The following GRIA1 variants were observed in gnomAD, a reference collection of about 807,000 sequenced individuals.
The protein encoded by GRIA1 is glutamate receptor 1.
A neutral mutation model predicts 99.2 loss-of-function variants in GRIA1; 31 were observed. That is an observed-to-expected ratio of 0.31 (90% confidence interval 0.23 to 0.42). The LOEUF is 0.42. Ranked by LOEUF, GRIA1 falls within the 10% of genes least tolerant of loss-of-function variation. The probability of loss-of-function intolerance (pLI) is 1.00; values close to 1 mark genes in which losing one functional copy is unlikely to be tolerated. For synonymous variants in GRIA1, 438 were observed against 432.4 expected (o/e 1.01, Z -0.16); for missense variants, 782 against 1,157.5 (o/e 0.68, Z 4.71).
chr5:153,510,133 A>G (rs1755918907), intron 2 of GRIA1, among the ~76,000 whole-genome samples: 1 of 152,182 alleles, frequency 6.6e-6, no homozygotes, highest in Non-Finnish European at 1.5e-5. Flanking sequence ...GCCTTAAAAT[A>G]ATAAAATAAA....
At chr5:153,744,096 G>A (rs1424208632) in intron 11 of GRIA1, among the ~76,000 whole-genome samples, 1 of 152,170 alleles carries the variant, frequency 6.6e-6, no homozygotes, top group African/African-American at 2.4e-5. Context: ...ACTCAGAGCA[G>A]GCCCAGAGCC....
chr5:153,506,430 G>C (rs1023227602), intron 2 of GRIA1, among the ~76,000 whole-genome samples: 2 of 151,902 alleles, frequency 1.3e-5, no homozygotes, highest in Admixed American at 1.3e-4. Context: ...CTTTCCAAGT[G>C]TGTGATTATA....
chr5:153,698,211 G>C lies in GRIA1; in HGVS notation c.1245+57G>C, dbSNP rs370575108. 6.4e-5 allele frequency: 61 copies of C among 945,784 alleles called. No homozygotes were observed. The African/African-American group carries it at 8.9e-4, about 14-fold the overall frequency. 58.6% of individuals were successfully genotyped at this position (945,784 alleles called of 1,614,324 possible). A position where few individuals can be genotyped will look rare whatever the true frequency, so the allele number is the denominator to read the frequency against. On this transcript the variant is annotated intron_variant, in intron 9 of 15. Transcript: ENST00000285900. ...GGGATTCAAGCTAGGCCAGCACAAG[G>C]GTTTTCCACCAGGACTGAAAGCTGG...
chr5:153,577,890 C>T (rs1238416447), intron 2 of GRIA1, among the ~76,000 whole-genome samples: 1 of 151,872 alleles, frequency 6.6e-6, no homozygotes, highest in Non-Finnish European at 1.5e-5. Context: ...GTGGCTCGCG[C>T]CTGTAATCCC....
At chr5:153,524,039 G>A (rs1757387844) in intron 2 of GRIA1, among the ~76,000 whole-genome samples, 1 of 152,182 alleles carries the variant, frequency 6.6e-6, no homozygotes, top group Non-Finnish European at 1.5e-5. Flanking sequence ...CAGAATTCCT[G>A]GCACAGGGCC....
intron 2 of GRIA1, among the ~76,000 whole-genome samples, chr5:153,601,624 C>T (rs1764972559): frequency 6.6e-6 from 1 of 152,226 alleles, no homozygotes; most frequent in Admixed American, 6.5e-5. Flanking sequence ...AGCTGAAAAG[C>T]TCCTAAGTAA....
chr5:153,741,345 G>A (rs543655446), intron 11 of GRIA1, among the ~76,000 whole-genome samples: 2 of 152,072 alleles, frequency 1.3e-5, no homozygotes, highest in African/African-American at 4.8e-5. Flanking sequence ...ACAATATGGA[G>A]GTTCCTTAGA....
intron 2 of GRIA1, among the ~76,000 whole-genome samples, chr5:153,542,828 T>C (rs1214106169): frequency 1.3e-5 from 2 of 152,248 alleles, no homozygotes; most frequent in Non-Finnish European, 2.9e-5. Flanking sequence ...GCCTTTTTTT[T>C]TCATTTATCA....
At chr5:153,568,785 A>C (rs1001073214) in intron 2 of GRIA1, among the ~76,000 whole-genome samples, 3 of 152,182 alleles carry the variant, frequency 2.0e-5, no homozygotes, top group Non-Finnish European at 4.4e-5. Flanking sequence ...TCCGAATCTC[A>C]AACTTCATAT....
intron 13 of GRIA1, among the ~76,000 whole-genome samples, chr5:153,782,358 G>A (rs556080087): frequency 1.2e-3 from 181 of 152,266 alleles, no homozygotes; most frequent in Middle Eastern, 6.8e-3. Flanking sequence ...TGACACTGAG[G>A]ATCACAGGAA....
chr5:153,632,394 A>T (rs1753044171), intron 2 of GRIA1, among the ~76,000 whole-genome samples: 1 of 152,192 alleles, frequency 6.6e-6, no homozygotes, highest in Admixed American at 6.5e-5. Context: ...TGAAAGGCAT[A>T]GGTGATCTGA....
intron 14 of GRIA1, 129 bp from the exon 15 acceptor site, chr5:153,802,227 A>T (rs947901599): frequency 1.5e-6 from 1 of 679,154 alleles, no homozygotes; most frequent in African/African-American, 1.8e-5. Flanking sequence ...CTATCCAGCT[A>T]TTGCAAATGT....
At chr5:153,775,508 C>T (rs1764166597) in intron 13 of GRIA1, among the ~76,000 whole-genome samples, 1 of 152,138 alleles carries the variant, frequency 6.6e-6, no homozygotes, top group Non-Finnish European at 1.5e-5. Context: ...ACAGCTTCAC[C>T]CTGCAGCTTA....
chr5:153,558,606 G>C (rs1484539776), intron 2 of GRIA1, among the ~76,000 whole-genome samples: 1 of 151,994 alleles, frequency 6.6e-6, no homozygotes, highest in African/African-American at 2.4e-5. Flanking sequence ...TTCATTGTAT[G>C]TCTGTACCAT....
chr5:153,759,350 A>C (rs1253460592), intron 11 of GRIA1, among the ~76,000 whole-genome samples: 2 of 151,808 alleles, frequency 1.3e-5, no homozygotes, highest in Non-Finnish European at 1.5e-5. Flanking sequence ...GACTCAAATA[A>C]ATAAAATTAT....
chr5:153,773,136 C>T (rs917544965), intron 13 of GRIA1, among the ~76,000 whole-genome samples: 2 of 152,120 alleles, frequency 1.3e-5, no homozygotes, highest in African/African-American at 4.8e-5. Context: ...TGCCACTCAC[C>T]GTGGTACATG....
At position 153,813,542 on chromosome 5, in the gene GRIA1, A is replaced by G. The variant is rs1315391422; in HGVS notation, c.*2317A>G. 3 of 152,242 alleles carry G rather than the reference A, an allele frequency of 2.0e-5. No individual in the cohort carries two copies. The highest frequency in any genetic ancestry group is 7.2e-5 in the African/African-American group (3 of 41,464). The allele number at this position is 152,242 out of a possible 1,614,324, so 9.4% of individuals were successfully genotyped here. A position where few individuals can be genotyped will look rare whatever the true frequency, so the allele number is the denominator to read the frequency against. ...GAAAGGAAAACACAAGCAAGAAAAAAGTTAACTTGTATTATGTATTTTTAC... is the reference window on the plus strand; with the variant it reads ...GAAAGGAAAACACAAGCAAGAAAAAGGTTAACTTGTATTATGTATTTTTAC... On this transcript the variant is annotated 3_prime_UTR_variant, in exon 16 of 16. Coordinates refer to ENST00000285900, the MANE Select transcript of GRIA1 (RefSeq NM_000827.4).
In GRIA1 at chr5:153,707,940, G is replaced by A. The variant is rs182452224; in HGVS notation, c.1823+1873G>A. 3.3e-3 allele frequency among the ~76,000 whole-genome samples: 499 copies of A among 152,210 alleles called. 1 individual carries two copies. Among genetic ancestry groups the A allele is most frequent in the South Asian group, 0.013 (61 of 4,808 alleles). ...AAGGGCTTGCTTAAAAATAAATCAG[G>A]CCCGTGGATAAACAGTGGGAAGAAA... On this transcript the variant is annotated intron_variant, in intron 11 of 15. Coordinates refer to ENST00000285900, the MANE Select transcript of GRIA1 (RefSeq NM_000827.4).
chr5:153,802,324 C>G (rs1364157491), intron 14 of GRIA1, 32 bp from the exon 15 acceptor site: 4 of 1,609,784 alleles, frequency 2.5e-6, no homozygotes, highest in Non-Finnish European at 3.4e-6. Flanking sequence ...TATTCTTCCC[C>G]CTCCCCTTCC....
Sources: gnomAD v4.1 joint callset for allele counts (sites outside exome capture counted in the v4.1 genomes callset) on GRCh38, gnomAD v4.1.1 for gene constraint, MANE v1.5 for transcripts, NCBI Gene and HGNC (gene_info 2026-07-23, HGNC 2026-07-21) for gene names.